Variants in PLEKHG1 observed in about 807,000 individuals in gnomAD.
PLEKHG1 encodes pleckstrin homology and RhoGEF domain containing G1, also known as pleckstrin homology domain-containing family G member 1.
Under a neutral mutation model 100.8 loss-of-function variants are expected in PLEKHG1, and 44 were observed. That is an observed-to-expected ratio of 0.44 (90% CI 0.34 to 0.56). PLEKHG1 has a LOEUF of 0.56. PLEKHG1 is among the 20% of genes least tolerant of loss of function. The pLI, the probability that PLEKHG1 is intolerant of heterozygous loss-of-function variation, is 0.01. For missense variants in PLEKHG1, 1,545 were observed against 1,720.9 expected (o/e 0.90, Z 1.81); for synonymous variants, 640 against 662.5 (o/e 0.97, Z 0.52).
chr6:150,744,291 G>T (rs1422869095), intron 2 of PLEKHG1, among the ~76,000 whole-genome samples: 1 of 152,054 alleles, frequency 6.6e-6, no homozygotes, highest in African/African-American at 2.4e-5. Flanking sequence ...AGCCAGGATG[G>T]TCTCAATCTC....
chr6:150,831,291 C>G lies in PLEKHG1; in HGVS notation c.2180C>G (p.Ser727Cys). 6.2e-7 allele frequency: 1 copy of G among 1,614,136 alleles called. No individual in the cohort carries two copies. Among genetic ancestry groups the G allele is most frequent in the Non-Finnish European group, 8.5e-7 (1 of 1,180,028 alleles). The change falls in exon 15 of 16, where the codon TCC becomes TGC. Residue 727 changes from serine to cysteine, a missense_variant. Ser to Cys is a moderately radical substitution (Grantham distance 112, BLOSUM62 -1). Transcript: ENST00000358517. This position sits in a 1 kb window ranked among gnomAD's most constrained non-coding sequence, Gnocchi z 4.1. Reference sequence around the variant, plus strand: ...GGCACCCTCTCAGGTGGAGAGGCATCCAGCCAAAGCACGCATGAACTCCAA... The same window carrying G: ...GGCACCCTCTCAGGTGGAGAGGCATGCAGCCAAAGCACGCATGAACTCCAA...
At chr6:150,711,028 T>A (rs1344837447) in intron 3 of PLEKHG1, among the ~76,000 whole-genome samples, 5 of 152,174 alleles carry the variant, frequency 3.3e-5, no homozygotes, top group African/African-American at 1.2e-4. Context: ...GACGCAGCGA[T>A]GTTGATGTAC....
chr6:150,705,436 A>C (rs1780964205), intron 3 of PLEKHG1, among the ~76,000 whole-genome samples: 1 of 152,254 alleles, frequency 6.6e-6, no homozygotes, highest in Non-Finnish European at 1.5e-5. Context: ...CCAGAGAGAA[A>C]CATGGAAAGC....
At chr6:150,801,344 C>T (rs1786685411) in intron 6 of PLEKHG1, among the ~76,000 whole-genome samples, 1 of 152,038 alleles carries the variant, frequency 6.6e-6, no homozygotes, top group Non-Finnish European at 1.5e-5. Context: ...CAGTTATCTC[C>T]TCTTATATTA....
chr6:150,691,724 C>T (rs1780356040), intron 3 of PLEKHG1, among the ~76,000 whole-genome samples: 1 of 152,210 alleles, frequency 6.6e-6, no homozygotes, highest in Non-Finnish European at 1.5e-5. Context: ...CTCATTCCTT[C>T]CCAAGTCCAA....
At chr6:150,624,255 G>A (rs1166859119) in intron 1 of PLEKHG1, among the ~76,000 whole-genome samples, 8 of 152,104 alleles carry the variant, frequency 5.3e-5, no homozygotes, top group African/African-American at 1.9e-4. Flanking sequence ...CTGGGCCTTG[G>A]GGGTGCTGCT....
chr6:150,656,278 T>A (rs746227871), intron 3 of PLEKHG1, among the ~76,000 whole-genome samples: 1 of 149,688 alleles, frequency 6.7e-6, no homozygotes, highest in Non-Finnish European at 1.5e-5. Context: ...GATATGAGTT[T>A]AAAAAAAAAA....
intron 10 of PLEKHG1, 144 bp downstream of exon 11, chr6:150,809,878 A>G (rs1787385199): frequency 1.8e-6 from 1 of 543,852 alleles, no homozygotes; most frequent in Non-Finnish European, 3.2e-6. Flanking sequence ...AAATAAAAAC[A>G]AAGAGACTGG....
chr6:150,806,694 G>A (rs1277761512), intron 7 of PLEKHG1, among the ~76,000 whole-genome samples: 1 of 151,318 alleles, frequency 6.6e-6, no homozygotes, highest in Non-Finnish European at 1.5e-5. Context: ...CGGGCGTGGT[G>A]GTGCACACCT....
chr6:150,642,043 A>G (rs1778292520), intron 2 of PLEKHG1, among the ~76,000 whole-genome samples: 1 of 152,064 alleles, frequency 6.6e-6, no homozygotes, highest in Non-Finnish European at 1.5e-5. Context: ...TCACCATTAA[A>G]TAAATGGGTG....
At chr6:150,723,962 C>T (rs1781829546) in intron 1 of PLEKHG1, among the ~76,000 whole-genome samples, 1 of 152,212 alleles carries the variant, frequency 6.6e-6, no homozygotes, top group Non-Finnish European at 1.5e-5. Context: ...ACAGCAGGGG[C>T]TGTAACAGCC....
chr6:150,817,877 T>C (rs1776070357), intron 10 of PLEKHG1, among the ~76,000 whole-genome samples: 1 of 152,044 alleles, frequency 6.6e-6, no homozygotes, highest in South Asian at 2.1e-4. Context: ...TCTGCATTTT[T>C]AATAAGCTGG....
exon 2 of PLEKHG1, chr6:150,733,979 A>C (rs1562472557): frequency 6.2e-7 from 1 of 1,614,196 alleles, no homozygotes; most frequent in Non-Finnish European, 8.5e-7. Flanking sequence ...CGGGGCACCC[A>C]AGACGATCGC....
exon 8 of PLEKHG1, chr6:150,809,184 G>T (rs772953507): frequency 6.2e-7 from 1 of 1,613,396 alleles, no homozygotes; most frequent in South Asian, 1.1e-5. Context: ...GGAACCTTCC[G>T]CATCCAGCGA....
intron 2 of PLEKHG1, among the ~76,000 whole-genome samples, chr6:150,744,920 G>A (rs1783072501): frequency 6.6e-6 from 1 of 152,126 alleles, no homozygotes; most frequent in African/African-American, 2.4e-5. Flanking sequence ...ATTATACACA[G>A]GGATTGTTTT....
At chr6:150,673,909 C>T (rs752643106) in intron 3 of PLEKHG1, among the ~76,000 whole-genome samples, 3 of 152,162 alleles carry the variant, frequency 2.0e-5, no homozygotes, top group Admixed American at 6.5e-5. Flanking sequence ...AAGCATTCCA[C>T]CCAACTTGGC....
chr6:150,733,646 A>C (rs1782398082), exon 2 of PLEKHG1: 2 of 1,614,112 alleles, frequency 1.2e-6, no homozygotes, highest in East Asian at 4.5e-5. Context: ...TCCCAAGACG[A>C]CAGCCAGGCG....
At chr6:150,820,171 T>G (rs550936613) in intron 12 of PLEKHG1, among the ~76,000 whole-genome samples, 1 of 151,720 alleles carries the variant, frequency 6.6e-6, no homozygotes, top group Non-Finnish European at 1.5e-5. Context: ...ATCGTGCCAC[T>G]GCACTCCAGC....
At chr6:150,652,542 G>A (rs1314534296) in intron 3 of PLEKHG1, among the ~76,000 whole-genome samples, 5 of 151,940 alleles carry the variant, frequency 3.3e-5, no homozygotes, top group African/African-American at 4.8e-5. Context: ...CCAACATAGT[G>A]AAACCCCGTC....
Sources: gnomAD v4.1 joint callset for allele counts (sites outside exome capture counted in the v4.1 genomes callset) on GRCh38, gnomAD v4.1.1 for gene constraint, Gnocchi (gnomAD v3.1) non-coding constraint, MANE v1.5 for transcripts, NCBI Gene and HGNC (gene_info 2026-07-23, HGNC 2026-07-21) for gene names.